The following GABRG3 variants were observed in gnomAD, a reference collection of about 807,000 sequenced individuals.
The protein encoded by GABRG3 is gamma-aminobutyric acid type A receptor subunit gamma3, also known as gamma-aminobutyric acid receptor subunit gamma-3.
In GABRG3, 25 loss-of-function variants were observed where a neutral mutation model predicts 48.8. The observed-to-expected ratio is 0.51, with a 90% CI of 0.37 to 0.72. The LOEUF (loss-of-function observed/expected upper bound fraction) is 0.72. Ranked by LOEUF, GABRG3 falls within the 30% of genes least tolerant of loss-of-function variation. The pLI is 0.00. For missense variants in GABRG3, 394 were observed against 577.9 expected (o/e 0.68, Z 3.26); for synonymous variants, 227 against 217.6 (o/e 1.04, Z -0.38).
chr15:27,124,519 T>C (rs1005351141), intron 3 of GABRG3, among the ~76,000 whole-genome samples: 1 of 152,042 alleles, frequency 6.6e-6, no homozygotes, highest in Non-Finnish European at 1.5e-5. Context: ...TCCGGGGAAA[T>C]GGAGGGAGAG....
At chr15:27,288,648 G>A (rs986203973) in intron 3 of GABRG3, among the ~76,000 whole-genome samples, 7 of 151,778 alleles carry the variant, frequency 4.6e-5, no homozygotes, top group Non-Finnish European at 1.0e-4. Context: ...AGGAGGTGGA[G>A]GTTGCAGTGA....
intron 3 of GABRG3, among the ~76,000 whole-genome samples, chr15:27,156,171 C>T (rs925418149): frequency 8.6e-5 from 13 of 150,990 alleles, no homozygotes; most frequent in Admixed American, 4.6e-4. Context: ...TGGTGGTGGG[C>T]GCCAGTAGTC....
At chr15:27,163,189 GACTCCTACTGCCC>G (rs1566951600) in intron 3 of GABRG3, among the ~76,000 whole-genome samples, 1 of 152,046 alleles carries the variant, frequency 6.6e-6, no homozygotes. Flanking sequence ...TATCCTCAGA[GACTCCTACTGCCC>G]TCTAAATTAA....
At chr15:27,472,566 G>A (rs751029776) in intron 5 of GABRG3, among the ~76,000 whole-genome samples, 5 of 152,206 alleles carry the variant, frequency 3.3e-5, no homozygotes, top group East Asian at 3.9e-4. Context: ...GTGAGCCACC[G>A]CTCCTGGCAA....
At chr15:27,477,772 G>A (rs569844387) in intron 5 of GABRG3, among the ~76,000 whole-genome samples, 5 of 152,254 alleles carry the variant, frequency 3.3e-5, no homozygotes, top group East Asian at 1.9e-4. Context: ...CGGGCACAGT[G>A]GCTCACACCT....
chr15:27,150,305 T>C (rs1898286986), intron 3 of GABRG3, among the ~76,000 whole-genome samples: 1 of 152,248 alleles, frequency 6.6e-6, no homozygotes, highest in South Asian at 2.1e-4. Context: ...AAATGGGTGT[T>C]TTCATTTTGA....
chr15:27,271,991 A>G (rs1891106362), intron 3 of GABRG3, among the ~76,000 whole-genome samples: 1 of 152,100 alleles, frequency 6.6e-6, no homozygotes, highest in Admixed American at 6.5e-5. Flanking sequence ...ACTCTCCTTG[A>G]GGGGAGTCTC....
intron 3 of GABRG3, among the ~76,000 whole-genome samples, chr15:27,166,092 T>C (rs529079480): frequency 6.6e-6 from 1 of 152,234 alleles, no homozygotes; most frequent in African/African-American, 2.4e-5. Flanking sequence ...GCTTGCAGAA[T>C]GAGATTCACA....
At chr15:27,371,314 C>T (rs1052193154) in intron 5 of GABRG3, among the ~76,000 whole-genome samples, 1 of 152,136 alleles carries the variant, frequency 6.6e-6, no homozygotes, top group Non-Finnish European at 1.5e-5. Flanking sequence ...CATGTTTTCC[C>T]AGCCTGTCTG....
intron 3 of GABRG3, among the ~76,000 whole-genome samples, chr15:27,282,343 T>G (rs887335727): frequency 1.3e-5 from 2 of 152,184 alleles, no homozygotes; most frequent in Non-Finnish European, 2.9e-5. Context: ...ATGATGTGAA[T>G]GTCATATCTT....
chr15:27,412,669 G>T (rs970756757), intron 5 of GABRG3, among the ~76,000 whole-genome samples: 7 of 152,182 alleles, frequency 4.6e-5, no homozygotes. Flanking sequence ...GAGGCAGCGT[G>T]GTCTTAGACC....
chr15:27,398,507 A>C lies in GABRG3; in HGVS notation c.574+69619A>C, dbSNP rs1447188089. ...GAAAAGTCCTTTGAAGAAAATATTA[A>C]TATATACCTATCTTGTTTTTTAAAA... is the stretch of plus-strand genomic sequence containing the variant. On this transcript the variant is annotated intron_variant, in intron 5 of 9. Coordinates refer to ENST00000615808, the MANE Select transcript of GABRG3 (RefSeq NM_033223.5). Among the ~76,000 whole-genome samples, 4 of 152,208 alleles carry C rather than the reference A, an allele frequency of 2.6e-5. No homozygotes were observed. The East Asian group carries it at 7.7e-4, about 29-fold the overall frequency.
At chr15:27,092,978 G>T (rs1566933328) in intron 3 of GABRG3, among the ~76,000 whole-genome samples, 1 of 151,982 alleles carries the variant, frequency 6.6e-6, no homozygotes. Flanking sequence ...GAATTGAGAA[G>T]GGGCCTCCTT....
At chr15:27,306,590 A>T (rs1346627531) in intron 3 of GABRG3, among the ~76,000 whole-genome samples, 10 of 131,910 alleles carry the variant, frequency 7.6e-5, no homozygotes, top group South Asian at 2.3e-4. Context: ...ATAAACATAT[A>T]ATATAAACAT....
chr15:26,992,843 C>A (rs1385226647), intron 2 of GABRG3, among the ~76,000 whole-genome samples: 1 of 151,934 alleles, frequency 6.6e-6, no homozygotes, highest in Non-Finnish European at 1.5e-5. Context: ...AGTTCCCAGG[C>A]TTTTATTTAC....
chr15:27,286,709 C>G (rs1891625181), intron 3 of GABRG3, among the ~76,000 whole-genome samples: 1 of 152,138 alleles, frequency 6.6e-6, no homozygotes, highest in African/African-American at 2.4e-5. Flanking sequence ...TTTTGAATTA[C>G]TACTAATAAA....
chr15:27,363,069 C>T (rs557460050), intron 5 of GABRG3: 1 of 152,238 alleles, frequency 6.6e-6, no homozygotes, highest in South Asian at 2.1e-4. Flanking sequence ...AATTTGTATC[C>T]TCCTGAGTTT....
chr15:27,360,032 C>A (rs948109799), intron 5 of GABRG3, among the ~76,000 whole-genome samples: 2 of 152,158 alleles, frequency 1.3e-5, no homozygotes, highest in African/African-American at 4.8e-5. Context: ...CTGAGCCCAG[C>A]CTCCAAGAGT....
intron 3 of GABRG3, among the ~76,000 whole-genome samples, chr15:27,297,407 C>T (rs1028766540): frequency 2.6e-5 from 4 of 152,192 alleles, no homozygotes; most frequent in Non-Finnish European, 5.9e-5. Flanking sequence ...ACTTCCAGTT[C>T]TGCAAGCACC....
Sources: gnomAD v4.1 joint callset for allele counts (sites outside exome capture counted in the v4.1 genomes callset) on GRCh38, gnomAD v4.1.1 for gene constraint, MANE v1.5 for transcripts, NCBI Gene and HGNC (gene_info 2026-07-23, HGNC 2026-07-21) for gene names.